Variants in PKN3 observed in about 807,000 individuals in gnomAD.
PKN3 encodes the protein protein kinase N3.
A neutral mutation model predicts 113.1 loss-of-function variants in PKN3; 91 were observed. The observed-to-expected ratio is 0.80, with a 90% CI of 0.68 to 0.96. The LOEUF is 0.96. Among genes scored for constraint, PKN3 ranks in the 40% least tolerant of loss-of-function variants. The probability of loss-of-function intolerance (pLI) is 0.00; values close to 1 mark genes in which losing one functional copy is unlikely to be tolerated. For synonymous variants in PKN3, 467 were observed against 499.0 expected, an observed-to-expected ratio of 0.94 and a Z score of 0.85; for missense variants, 1,052 against 1,202.2, an observed-to-expected ratio of 0.88 and a Z score of 1.85.
intron 18 of PKN3, among the ~76,000 whole-genome samples, chr9:128,719,080 T>C (rs541149045): frequency 8.7e-4 from 132 of 151,878 alleles, no homozygotes; most frequent in Admixed American, 2.0e-3. Context: ...ATTTTTTTAG[T>C]AGAGACGGGG....
chr9:128,709,007 C>T lies in PKN3; in HGVS notation c.835+1602C>T, dbSNP rs551990464. Among the ~76,000 whole-genome samples, 227 of 151,784 alleles carry T rather than the reference C, an allele frequency of 1.5e-3. 1 individual carries two copies. The highest frequency in any genetic ancestry group is 3.4e-3 in the Middle Eastern group (1 of 292). On this transcript the variant is annotated intron_variant, in intron 6 of 21. Transcript: ENST00000291906. Reference sequence around the variant, plus strand: ...TCTCTACAAAAAATACAAAAATCGCCGGGCGCGGTGGCTCACGCCTGTAAT... The same window carrying T: ...TCTCTACAAAAAATACAAAAATCGCTGGGCGCGGTGGCTCACGCCTGTAAT...
At position 128,707,499 on chromosome 9, in the gene PKN3, G is replaced by T. The variant is rs1236684475; in HGVS notation, c.835+94G>T. ...TCTGATGAAGAGTTCAAGAGTTCCA[G>T]TCCTGCCCCAGCACCCACTAGCAGC... On this transcript the variant is annotated intron_variant, in intron 6 of 21. Coordinates refer to ENST00000291906, the MANE Select transcript of PKN3 (RefSeq NM_013355.5). 8 of 1,079,426 alleles carry T rather than the reference G, an allele frequency of 7.4e-6. No homozygotes were observed. The East Asian group carries it at 1.3e-4, about 17-fold the overall frequency. 66.9% of individuals were successfully genotyped at this position (1,079,426 alleles called of 1,614,324 possible). A position where few individuals can be genotyped will look rare whatever the true frequency, so the allele number is the denominator to read the frequency against.
rs141891943 is a variant in PKN3 at position 128,705,781 on chromosome 9, C to T, written c.313C>T (p.Arg105Trp). 42 of 1,608,252 alleles carry T rather than the reference C, an allele frequency of 2.6e-5. No homozygotes were observed. The highest frequency in any genetic ancestry group is 2.5e-4 in the East Asian group (11 of 44,688). The change falls in exon 3 of 22, where the codon CGG becomes TGG. Residue 105 changes from arginine to tryptophan, a missense_variant. Around this residue, in one of 2 missense-constraint regions of PKN3, gnomAD observed 719 missense variants for 759.4 expected, o/e 0.95. Transcript: ENST00000291906. ...GCCGTGGGCAGAGCAGCTCAGGGCT[C>T]GGCACCTAGAGGCTCTCCGGAGGCA... The part of the protein sequence containing the change: ...PRPWAEQLRA[R>W]HLEALRRQLH...
intron 16 of PKN3, among the ~76,000 whole-genome samples, chr9:128,717,287 CCTGT>C (rs1187665480): frequency 6.6e-6 from 1 of 150,568 alleles, no homozygotes; most frequent in Non-Finnish European, 1.5e-5. Context: ...CACCACCACT[CCTGT>C]CTAATTTTGT....
chr9:128,712,771 T>C (rs1862216044), intron 6 of PKN3, among the ~76,000 whole-genome samples: 1 of 152,064 alleles, frequency 6.6e-6, no homozygotes, highest in Admixed American at 6.5e-5. Flanking sequence ...CCTGGGAGTG[T>C]CCAGGTCGGA....
At chr9:128,711,082 T>C (rs7862676) in intron 6 of PKN3, among the ~76,000 whole-genome samples, 133,818 of 151,400 alleles carry the variant, frequency 0.88, 61,203 homozygotes, top group Non-Finnish European at 1. Flanking sequence ...CTTGGCTCAC[T>C]GCAACCTCCG....
chr9:128,709,395 G>T (rs548758098), intron 6 of PKN3, among the ~76,000 whole-genome samples: 28 of 150,012 alleles, frequency 1.9e-4, no homozygotes, highest in South Asian at 6.4e-4. Flanking sequence ...GGAGGTTGAG[G>T]GTACAATGAG....
At chr9:128,717,492 G>A (rs562494145) in intron 16 of PKN3, among the ~76,000 whole-genome samples, 11 of 151,576 alleles carry the variant, frequency 7.3e-5, no homozygotes, top group African/African-American at 2.4e-4. Context: ...CAGCACTTTG[G>A]AGGCTGAGGC....
chr9:128,713,075 G>A lies in PKN3; in HGVS notation c.859G>A (p.Gly287Ser). 4 of 1,610,672 alleles carry A rather than the reference G, an allele frequency of 2.5e-6. No homozygotes were observed. The South Asian group carries it at 3.3e-5, about 13-fold the overall frequency. Residue 287 changes from glycine (G) to serine (S), a missense_variant, in exon 7 of 22, where the codon GGC becomes AGC. Physicochemically the swap from Gly to Ser is moderately conservative, Grantham distance 56. This residue lies in a region of PKN3 where 719 missense variants were observed against 759.4 expected (regional missense o/e 0.95). Transcript: ENST00000291906. ...LTGTLQVRLL[G>S]CEQLLTAVPG... is the part of the protein sequence containing the mutation. ...AGGGACACTGCAGGTCCGCCTCCTG[G>A]GCTGTGAACAGTTGCTGACAGCCGT...
chr9:128,705,261 C>G, intron 1 of PKN3, 42 bp from the exon 2 acceptor site: 2 of 1,547,744 alleles, frequency 1.3e-6, no homozygotes, highest in Non-Finnish European at 1.7e-6. Flanking sequence ...CCGCTGCACC[C>G]CATGGCTGTT....
rs1477268948 is a variant in PKN3 at position 128,713,212 on chromosome 9, G to C, written c.982+14G>C. 6.2e-7 allele frequency: 1 copy of C among 1,608,762 alleles called. No homozygotes were observed. Among genetic ancestry groups the C allele is most frequent in the African/African-American group, 1.3e-5 (1 of 74,856 alleles). ...GCGAGCTTGCCAGTGAGTAGGGAAG[G>C]AGCTTCAGGGGGAGCAGGAGACCCC... On this transcript the variant is annotated intron_variant, in intron 7 of 21. Coordinates refer to ENST00000291906, the MANE Select transcript of PKN3 (RefSeq NM_013355.5).
intron 9 of PKN3, 88 bp from the exon 10 acceptor site, chr9:128,713,957 GC>G (rs1862258680): frequency 6.0e-6 from 8 of 1,337,876 alleles, no homozygotes; most frequent in South Asian, 5.9e-5. Context: ...GACCCTGGGG[GC>G]TTGGGCTGTA....
At chr9:128,703,542 C>G in intron 1 of PKN3, 2 of 985,338 alleles carry the variant, frequency 2.0e-6, no homozygotes, top group Non-Finnish European at 2.4e-6. Flanking sequence ...CGCGTGGGCC[C>G]GGAGGACCGA....
intron 18 of PKN3, among the ~76,000 whole-genome samples, chr9:128,719,394 T>C (rs1862452549): frequency 6.6e-6 from 1 of 151,870 alleles, no homozygotes; most frequent in Admixed American, 6.6e-5. Flanking sequence ...TTTCACCATG[T>C]TGGCCAGGCT....
In PKN3 at chr9:128,702,889, A is replaced by G. The variant is rs1375093518; in HGVS notation, c.-27A>G. The G allele has an allele frequency of 1.4e-6, 2 of 1,472,736 alleles. No homozygotes were observed. The highest frequency in any genetic ancestry group is 1.8e-6 in the Non-Finnish European group (2 of 1,108,006). 91.2% of individuals were successfully genotyped at this position (1,472,736 alleles called of 1,614,324 possible). A position where few individuals can be genotyped will look rare whatever the true frequency, so the allele number is the denominator to read the frequency against. On this transcript the variant is annotated 5_prime_UTR_variant, in exon 1 of 22. Coordinates refer to ENST00000291906, the MANE Select transcript of PKN3 (RefSeq NM_013355.5). ...TTCCGGGACCGGAGTGGCTGAGAGA[A>G]GGGCCCCAAGCGGCCGGAGCGGCGC...
intron 5 of PKN3, 44 bp downstream of exon 5, chr9:128,707,067 C>A: frequency 6.2e-7 from 1 of 1,612,398 alleles, no homozygotes; most frequent in Non-Finnish European, 8.5e-7. Context: ...GGCTTGTTCC[C>A]ATACCACCCT....
intron 1 of PKN3, chr9:128,704,111 G>A (rs1861938598): frequency 2.0e-6 from 2 of 985,324 alleles, no homozygotes; most frequent in Non-Finnish European, 2.4e-6. Flanking sequence ...GGGCTCAGGA[G>A]AAGATGGAAC....
rs757885077 is a variant in PKN3, at chr9:128,713,552, C to T, written c.1146C>T (p.Gly382=). Residue 382 remains glycine (G), a synonymous_variant, in exon 9 of 22, where the codon GGC becomes GGT. Coordinates refer to ENST00000291906, the MANE Select transcript of PKN3 (RefSeq NM_013355.5). ...GGCGGGACTGGCGGCAGCTATGTGG[C>T]GTGGCCTTCCTGAGACTTGAGGACT... ...VHWRDWRQLC[G]VAFLRLEDFL... is the part of the protein sequence containing the mutation. The T allele has an allele frequency of 2.9e-5, 46 of 1,613,692 alleles. No homozygotes were observed. The highest frequency in any genetic ancestry group is 1.5e-4 in the Admixed American group (9 of 60,002).
At chr9:128,707,153 C>T (rs1282494820) in intron 5 of PKN3, 69 bp from the exon 6 acceptor site, 13 of 1,579,804 alleles carry the variant, frequency 8.2e-6, no homozygotes, top group Middle Eastern at 1.8e-4. Flanking sequence ...AAGGTGGCTC[C>T]GGGTGACCTG....
Sources: gnomAD v4.1 joint callset for allele counts (sites outside exome capture counted in the v4.1 genomes callset) on GRCh38, gnomAD v4.1.1 for gene constraint, gnomAD v4.1.1 regional missense constraint, MANE v1.5 for transcripts, NCBI Gene and HGNC (gene_info 2026-07-23, HGNC 2026-07-21) for gene names.